RBP5: variants seen among roughly 807,000 people sequenced by gnomAD.
RBP5 encodes retinol-binding protein 5.
A neutral mutation model predicts 17.8 loss-of-function variants in RBP5; 12 were observed. The ratio of observed to expected loss-of-function variants is 0.67; its 90% confidence interval spans 0.43 to 1.09. The LOEUF (loss-of-function observed/expected upper bound fraction) is 1.09. Among genes scored for constraint, RBP5 ranks in the 50% least tolerant of loss-of-function variants. The pLI is 0.00. For missense variants in RBP5, 172 were observed against 169.4 expected (o/e 1.02, Z -0.09); for synonymous variants, 64 against 68.1 (o/e 0.94, Z 0.30).
chr12:7,116,223 G>A (rs1302034514), exon 4 of RBP5: 1 of 152,232 alleles, frequency 6.6e-6, no homozygotes, highest in Non-Finnish European at 1.5e-5. Flanking sequence ...TGGTGGTCCT[G>A]GGAGAGGTAG....
chr12:7,120,834 T>G (rs1245999796), downstream of RBP5: 2 of 152,198 alleles, frequency 1.3e-5, no homozygotes, highest in Non-Finnish European at 2.9e-5. Flanking sequence ...GAGATCAGCC[T>G]GGCCAACATG....
chr12:7,122,913 A>G (rs3829815), downstream of RBP5, among the ~76,000 whole-genome samples: 42,469 of 151,712 alleles, frequency 0.28, 6,148 homozygotes, highest in East Asian at 0.43. Flanking sequence ...GATCAGTATC[A>G]CAAGCCCCTA....
At position 7,128,833 on chromosome 12, in the gene RBP5, T is replaced by G. The variant is rs1939225851; in HGVS notation, c.-58A>C. On this transcript the variant is annotated 5_prime_UTR_variant, in exon 1 of 4. Coordinates refer to ENST00000266560, the MANE Select transcript of RBP5 (RefSeq NM_031491.4). This position sits in a 1 kb window ranked among gnomAD's most constrained non-coding sequence, Gnocchi z 5.3. Reference sequence around the variant, plus strand: ...GACAGGGTGAGGAAGGAGGGGGTGTTGTCTGGCAGGTGAGGCTGAGAGATT... The same window carrying G: ...GACAGGGTGAGGAAGGAGGGGGTGTGGTCTGGCAGGTGAGGCTGAGAGATT... The G allele has an allele frequency of 1.5e-6, 2 of 1,356,938 alleles. No homozygotes were observed. Among genetic ancestry groups the G allele is most frequent in the South Asian group, 2.5e-5 (2 of 80,290 alleles). 84.1% of individuals were successfully genotyped at this position (1,356,938 alleles called of 1,614,324 possible).
At position 7,117,665 on chromosome 12, in the gene RBP5, A is replaced by C. The variant is rs915363947; in HGVS notation, n.890-358T>G. 6.6e-6 allele frequency: 1 copy of C among 152,210 alleles called. No individual in the cohort carries two copies. The highest frequency in any genetic ancestry group is 6.5e-5 in the Admixed American group (1 of 15,282). The allele number at this position is 152,210 out of a possible 1,614,324, so 9.4% of individuals were successfully genotyped here. On this transcript the variant is annotated intron_variant and non_coding_transcript_variant, in intron 3 of 3. Transcript: ENST00000619522. The surrounding 1 kb of genome is among the most constrained non-coding windows in gnomAD (Gnocchi z 4.9). ...AGCATAGGTTTCAAAAGAACCAAGA[A>C]GCTGTTGAAAAGGAGAGCAGATGGG...
At chr12:7,119,818 G>A (rs988942365), downstream of RBP5, among the ~76,000 whole-genome samples, 8 of 152,238 alleles carry the variant, frequency 5.3e-5, no homozygotes, top group Non-Finnish European at 1.2e-4. Flanking sequence ...GTGTTGCCTT[G>A]TGGGCTGGCC....
At position 7,128,434 on chromosome 12, in the gene RBP5, G is replaced by T; in HGVS notation, c.74-16C>A. ...AAGCTGATGTCTGTGGGGGCTGCCT[G>T]TTAGTAGGGGTGCTGCTAGCCAGCC... On this transcript the variant is annotated splice_polypyrimidine_tract_variant and intron_variant, in intron 1 of 3. Coordinates refer to ENST00000266560, the MANE Select transcript of RBP5 (RefSeq NM_031491.4). The surrounding 1 kb of genome is among the most constrained non-coding windows in gnomAD (Gnocchi z 5.3). 1 of 1,613,148 alleles carries T rather than the reference G, an allele frequency of 6.2e-7. No individual in the cohort carries two copies. Among genetic ancestry groups the T allele is most frequent in the Non-Finnish European group, 8.5e-7 (1 of 1,179,352 alleles).
At chr12:7,119,581 A>C (rs1175131435), downstream of RBP5, 1 of 154,862 alleles carries the variant, frequency 6.5e-6, no homozygotes, top group South Asian at 2.0e-4. Context: ...TTCGGTGTAA[A>C]TATGTCACTG....
upstream of RBP5, chr12:7,129,025 CAA>C: frequency 2.2e-6 from 1 of 448,814 alleles, no homozygotes. This position sits in a 1 kb window ranked among gnomAD's most constrained non-coding sequence, Gnocchi z 5.5. Context: ...AGGGATTTGG[CAA>C]AGTTGCGCCT....
At chr12:7,120,099 A>G (rs1032684449), downstream of RBP5, among the ~76,000 whole-genome samples, 4 of 152,016 alleles carry the variant, frequency 2.6e-5, no homozygotes, top group African/African-American at 9.7e-5. Context: ...AAGTGAGGGC[A>G]GAGGGAAGGG....
Position 7,124,836 on chromosome 12 carries a change from T to A in RBP5, c.253-106A>T. On this transcript the variant is annotated intron_variant, in intron 2 of 3. Transcript: ENST00000266560. The surrounding 1 kb of genome is among the most constrained non-coding windows in gnomAD (Gnocchi z 5.3). ...CCCTTTTACTCCACAGCAGATACTG[T>A]CTGCTGCAGCCCCTCCACTGAGCGA... 2.9e-6 allele frequency: 2 copies of A among 691,448 alleles called. No individual in the cohort carries two copies. Among genetic ancestry groups the A allele is most frequent in the Admixed American group, 4.0e-5 (2 of 50,414 alleles). 42.8% of individuals were successfully genotyped at this position (691,448 alleles called of 1,614,324 possible).
chr12:7,121,744 A>C (rs1231807109), downstream of RBP5: 1 of 155,534 alleles, frequency 6.4e-6, no homozygotes, highest in African/African-American at 2.4e-5. Flanking sequence ...TCCAGCTGGA[A>C]TCTGGGCCTG....
At chr12:7,119,925 C>T (rs1349551282), downstream of RBP5, among the ~76,000 whole-genome samples, 1 of 152,220 alleles carries the variant, frequency 6.6e-6, no homozygotes, top group Non-Finnish European at 1.5e-5. Context: ...GCACTGCCTC[C>T]CAATTTTGGG....
At chr12:7,121,236 T>C (rs762236752), downstream of RBP5, among the ~76,000 whole-genome samples, 2 of 152,000 alleles carry the variant, frequency 1.3e-5, no homozygotes, top group Admixed American at 6.5e-5. Flanking sequence ...CTAGACCAGA[T>C]GGGGTTCCTG....
chr12:7,127,713 C>A (rs887829300), intron 2 of RBP5: 34 of 702,154 alleles, frequency 4.8e-5, no homozygotes, highest in Non-Finnish European at 8.6e-5. Context: ...CAAGGGCAGC[C>A]TATAGATGGA....
At chr12:7,126,513 GTGTGTGTGTGTGTGTGTGT>G (rs767139345) in intron 2 of RBP5, among the ~76,000 whole-genome samples, 10,102 of 121,532 alleles carry the variant, frequency 0.083, 474 homozygotes, top group South Asian at 0.27. Context: ...TGGTGGTGGT[GTGTGTGTGTGTGTGTGTGT>G]GTGTGTGTGT....
chr12:7,116,656 CT>C (rs1272911688), exon 4 of RBP5: 1 of 152,204 alleles, frequency 6.6e-6, no homozygotes, highest in Non-Finnish European at 1.5e-5. Context: ...AGCTGCCTGC[CT>C]CTGAACTTCA....
intron 2 of RBP5, among the ~76,000 whole-genome samples, chr12:7,126,552 T>TGG (rs1565645395): frequency 6.3e-5 from 9 of 142,282 alleles, no homozygotes; most frequent in African/African-American, 2.5e-4. Flanking sequence ...TGTGTGTGTG[T>TGG]GTGTGTGCTG....
Position 7,123,708 on chromosome 12 carries a change from T to C in RBP5, c.*413A>G, listed in dbSNP as rs1422204697. The C allele has an allele frequency of 5.9e-6, 1 of 169,292 alleles. No homozygotes were observed. The highest frequency in any genetic ancestry group is 1.3e-5 in the Non-Finnish European group (1 of 78,280). The allele number at this position is 169,292 out of a possible 1,614,324, so 10.5% of individuals were successfully genotyped here. A position where few individuals can be genotyped will look rare whatever the true frequency, so the allele number is the denominator to read the frequency against. On this transcript the variant is annotated 3_prime_UTR_variant, in exon 4 of 4. Coordinates refer to ENST00000266560, the MANE Select transcript of RBP5 (RefSeq NM_031491.4). ...CTCTGCCAGTAGCCCCTGTTTAAACTCTTGAACCCCAGTCACAGTTTTCCA... is the reference window on the plus strand; with the variant it reads ...CTCTGCCAGTAGCCCCTGTTTAAACCCTTGAACCCCAGTCACAGTTTTCCA...
intron 2 of RBP5, among the ~76,000 whole-genome samples, chr12:7,126,988 ATT>A (rs35155124): frequency 1.2e-4 from 10 of 86,508 alleles, no homozygotes; most frequent in Admixed American, 1.4e-4. Context: ...GTACTTTTGT[ATT>A]TTTTTTTTTT....
Sources: gnomAD v4.1 joint callset for allele counts (sites outside exome capture counted in the v4.1 genomes callset) on GRCh38, gnomAD v4.1.1 for gene constraint, Gnocchi (gnomAD v3.1) non-coding constraint, MANE v1.5 for transcripts, NCBI Gene and HGNC (gene_info 2026-07-23, HGNC 2026-07-21) for gene names.